The following EEF1E1 variants were observed in gnomAD, a reference collection of about 807,000 sequenced individuals.
The protein encoded by EEF1E1 is eukaryotic translation elongation factor 1 epsilon 1.
In EEF1E1, 19 loss-of-function variants were observed where a neutral mutation model predicts 19.9. That is an observed-to-expected ratio of 0.95 (90% CI 0.66 to 1.40). EEF1E1 has a LOEUF of 1.40. Ranked by LOEUF, EEF1E1 falls within the 40% of genes most tolerant of loss-of-function variation. The pLI, the probability that EEF1E1 is intolerant of heterozygous loss-of-function variation, is 0.00. For synonymous variants in EEF1E1, 81 were observed against 80.0 expected (o/e 1.01, Z -0.07); for missense variants, 198 against 202.2 (o/e 0.98, Z 0.13).
chr6:8,076,479 A>G (rs1485981900), downstream of EEF1E1, among the ~76,000 whole-genome samples: 3 of 151,218 alleles, frequency 2.0e-5, no homozygotes, highest in African/African-American at 7.3e-5. Context: ...GCCCACCACC[A>G]CGCCCGGCTA....
At chr6:8,092,867 TGC>T (rs1491367008) in intron 2 of EEF1E1, among the ~76,000 whole-genome samples, 11 of 112,346 alleles carry the variant, frequency 9.8e-5, no homozygotes, top group Non-Finnish European at 1.4e-4. Flanking sequence ...TGATAAAGAC[TGC>T]TTTTTTTTTT....
chr6:8,102,325 A>C, intron 1 of EEF1E1, 110 bp downstream of exon 1: 1 of 1,124,556 alleles, frequency 8.9e-7, no homozygotes, highest in Non-Finnish European at 1.2e-6. Context: ...GGAGCTGGGT[A>C]GCAGCATCCT....
At chr6:8,092,217 G>C (rs1419939636) in intron 2 of EEF1E1, among the ~76,000 whole-genome samples, 2 of 152,182 alleles carry the variant, frequency 1.3e-5, no homozygotes, top group African/African-American at 4.8e-5. Context: ...GGGAGGGGGA[G>C]TCAACCATTC....
Position 8,079,597 on chromosome 6 carries a change from A to G in EEF1E1, c.*293T>C. On this transcript the variant is annotated 3_prime_UTR_variant, in exon 4 of 4. Coordinates refer to ENST00000379715, the MANE Select transcript of EEF1E1 (RefSeq NM_004280.5). ...ACCATTGAAATGACCACCAATTTTA[A>G]GATTAAGCCCGATTTGCAACTTTTA... 9.4e-7 allele frequency: 1 copy of G among 1,062,776 alleles called. No individual in the cohort carries two copies. The highest frequency in any genetic ancestry group is 1.1e-6 in the Non-Finnish European group (1 of 877,260). The allele number at this position is 1,062,776 out of a possible 1,614,324, so 65.8% of individuals were successfully genotyped here.
downstream of EEF1E1, among the ~76,000 whole-genome samples, chr6:8,076,947 G>GTTT (rs70982138): frequency 1.7e-4 from 19 of 113,012 alleles, no homozygotes; most frequent in African/African-American, 2.9e-4. Context: ...TTTTGTTTTT[G>GTTT]TTTTTTTTTT....
At chr6:8,075,438 G>T (rs77441448), downstream of EEF1E1, among the ~76,000 whole-genome samples, 2,150 of 152,230 alleles carry the variant, frequency 0.014, 57 homozygotes, top group African/African-American at 0.049. Flanking sequence ...ACAACAAAGT[G>T]AGTTGCACAA....
intron 3 of EEF1E1, chr6:8,089,879 A>C (rs1289465110): frequency 3.1e-6 from 1 of 322,230 alleles, no homozygotes; most frequent in East Asian, 4.6e-5. Flanking sequence ...ATAGGAAAAA[A>C]ATCAAGGTCA....
At chr6:8,077,748 G>A (rs1039199751), downstream of EEF1E1, among the ~76,000 whole-genome samples, 37 of 152,196 alleles carry the variant, frequency 2.4e-4, 1 homozygote, top group Admixed American at 2.4e-3. Context: ...CAATAAGGCT[G>A]TTTCGCTTTC....
intron 3 of EEF1E1, chr6:8,089,957 T>C: frequency 2.5e-6 from 1 of 394,928 alleles, no homozygotes; most frequent in East Asian, 3.6e-5. Context: ...GCAAATCTGA[T>C]TTAAATTCAA....
chr6:8,096,885 G>A (rs1010556143), intron 2 of EEF1E1, among the ~76,000 whole-genome samples: 5 of 152,002 alleles, frequency 3.3e-5, no homozygotes, highest in Admixed American at 1.3e-4. Flanking sequence ...TTGCCTCTGA[G>A]AAAGTACTTT....
chr6:8,077,344 G>A (rs1561879697), downstream of EEF1E1, among the ~76,000 whole-genome samples: 1 of 152,156 alleles, frequency 6.6e-6, no homozygotes, highest in Non-Finnish European at 1.5e-5. Flanking sequence ...TATTTAATAA[G>A]AAAGTCAGTT....
In EEF1E1 at chr6:8,097,415, A is replaced by G. The variant is rs1758204504; in HGVS notation, c.140T>C (p.Ile47Thr). 2.5e-6 allele frequency: 4 copies of G among 1,614,048 alleles called. No individual in the cohort carries two copies. The highest frequency in any genetic ancestry group is 2.2e-5 in the South Asian group (2 of 91,088). The change falls in exon 2 of 4, where the codon ATA becomes ACA. Residue 47 changes from isoleucine (I) to threonine (T), a missense_variant. Physicochemically the swap from Ile to Thr is moderately conservative, Grantham distance 89. Coordinates refer to ENST00000379715, the MANE Select transcript of EEF1E1 (RefSeq NM_004280.5). Reference protein sequence around the residue: ...NGPSLTGLTTIAAHLVKQANK... With the variant: ...NGPSLTGLTTTAAHLVKQANK... Reference sequence around the variant, plus strand: ...GGCTTGCTTGACTAGATGAGCTGCTATAGTAGTCAATCCTGTTAGACTTGG... The same window carrying G: ...GGCTTGCTTGACTAGATGAGCTGCTGTAGTAGTCAATCCTGTTAGACTTGG...
At chr6:8,074,044 T>A (rs957002570) in intron 3 of EEF1E1, among the ~76,000 whole-genome samples, 4 of 152,204 alleles carry the variant, frequency 2.6e-5, no homozygotes, top group Non-Finnish European at 5.9e-5. Flanking sequence ...GGGGAATTGA[T>A]AAGGTTGGGA....
At chr6:8,088,049 C>T (rs975086128) in intron 3 of EEF1E1, among the ~76,000 whole-genome samples, 10 of 152,020 alleles carry the variant, frequency 6.6e-5, no homozygotes, top group African/African-American at 2.4e-4. Flanking sequence ...TCAAAGAAAA[C>T]ACTTGACCTC....
At chr6:8,077,932 C>T, downstream of EEF1E1, among the ~76,000 whole-genome samples, 1 of 152,198 alleles carries the variant, frequency 6.6e-6, no homozygotes, top group East Asian at 1.9e-4. Context: ...GCTGGGACTA[C>T]AGGCACTCCA....
intron 2 of EEF1E1, among the ~76,000 whole-genome samples, chr6:8,094,110 A>C (rs568223529): frequency 1.1e-4 from 17 of 152,186 alleles, no homozygotes; most frequent in African/African-American, 3.9e-4. Context: ...CAAACGAATA[A>C]TTTTTAAATT....
chr6:8,090,923 A>G lies in EEF1E1; in HGVS notation c.289-642T>C, dbSNP rs190107054. On this transcript the variant is annotated intron_variant, in intron 2 of 3. Transcript: ENST00000379715. ...CCACTGTATGTACAGATCATATTTT[A>G]TCGATTCCTGTGTCTATAGACATAG... is the stretch of plus-strand genomic sequence containing the variant. Among the ~76,000 whole-genome samples the G allele has an allele frequency of 6.0e-4, 92 of 152,218 alleles. 1 individual carries two copies. The highest frequency in any genetic ancestry group is 2.8e-4 in the Non-Finnish European group (19 of 68,012).
chr6:8,101,175 G>A (rs551897280), intron 1 of EEF1E1, among the ~76,000 whole-genome samples: 3 of 130,956 alleles, frequency 2.3e-5, no homozygotes, highest in African/African-American at 3.0e-5. Context: ...GCAGTGATCC[G>A]AGATCATGCC....
At chr6:8,099,722 G>A (rs1056876112) in intron 1 of EEF1E1, among the ~76,000 whole-genome samples, 5 of 144,876 alleles carry the variant, frequency 3.5e-5, no homozygotes, top group Non-Finnish European at 6.0e-5. Context: ...ACTCCAGCCC[G>A]GGCAACAAGA....
Sources: allele counts gnomAD v4.1 joint callset (sites outside exome capture counted in the v4.1 genomes callset), GRCh38; gene constraint gnomAD v4.1.1; transcripts MANE v1.5; gene names NCBI Gene and HGNC (gene_info 2026-07-23, HGNC 2026-07-21).